The following MAGI2 variants were observed in gnomAD, a reference collection of about 807,000 sequenced individuals.
The protein encoded by MAGI2 is membrane associated guanylate kinase, WW and PDZ domain containing 2.
A neutral mutation model predicts 133.3 loss-of-function variants in MAGI2; 35 were observed. The observed-to-expected ratio is 0.26, with a 90% CI of 0.20 to 0.35. The LOEUF is 0.35. MAGI2 is among the 10% of genes least tolerant of loss of function. The pLI, the probability that MAGI2 is intolerant of heterozygous loss-of-function variation, is 1.00. For synonymous variants in MAGI2, 729 were observed against 710.6 expected (o/e 1.03, Z -0.41); for missense variants, 1,636 against 1,863.4 (o/e 0.88, Z 2.25).
At chr7:78,226,351 A>G (rs1789387830) in intron 10 of MAGI2, among the ~76,000 whole-genome samples, 1 of 151,792 alleles carries the variant, frequency 6.6e-6, no homozygotes, top group African/African-American at 2.4e-5. Flanking sequence ...GGCCAGCAGG[A>G]ACTTCTCTCA....
At chr7:78,942,258 A>T (rs1801046550) in intron 2 of MAGI2, among the ~76,000 whole-genome samples, 1 of 151,532 alleles carries the variant, frequency 6.6e-6, no homozygotes, top group African/African-American at 2.4e-5. Flanking sequence ...ATGAAGTTTG[A>T]CTCTCCCTAC....
chr7:79,309,449 TAG>T (rs1205202053), intron 1 of MAGI2, among the ~76,000 whole-genome samples: 1 of 151,080 alleles, frequency 6.6e-6, no homozygotes, highest in African/African-American at 2.4e-5. Flanking sequence ...TTAAAATATG[TAG>T]AGTTATTCCA....
chr7:79,229,293 C>T (rs1831147423), intron 1 of MAGI2, among the ~76,000 whole-genome samples: 1 of 152,012 alleles, frequency 6.6e-6, no homozygotes, highest in Admixed American at 6.6e-5. Flanking sequence ...TTTCTACCTC[C>T]CCTGGGCCAT....
At chr7:79,293,311 C>T (rs565076908) in intron 1 of MAGI2, among the ~76,000 whole-genome samples, 12 of 152,204 alleles carry the variant, frequency 7.9e-5, no homozygotes, top group African/African-American at 2.9e-4. Context: ...CCTAGCTGCT[C>T]TCTTTCATAT....
chr7:78,434,078 C>CT (rs1302019995), intron 6 of MAGI2, among the ~76,000 whole-genome samples: 1 of 152,122 alleles, frequency 6.6e-6, no homozygotes, highest in African/African-American at 2.4e-5. Flanking sequence ...CACATGCTCT[C>CT]TTTTTTTCAG....
At position 78,256,268 on chromosome 7, in the gene MAGI2, A is replaced by G; in HGVS notation, c.1722T>C (p.Thr574=). ...RPPHSLHSMP[T]DGQLDGTYPP... ...GATACGTGCCGTCTAGCTGACCATC[A>G]GTTGGCATGGAGTGCAGAGAATGAG... Residue 574 remains threonine (T), a synonymous_variant, in exon 10 of 22, where the codon ACT becomes ACC. Coordinates refer to ENST00000354212, the MANE Select transcript of MAGI2 (RefSeq NM_012301.4). 2 of 1,614,078 alleles carry G rather than the reference A, an allele frequency of 1.2e-6. No homozygotes were observed. Among genetic ancestry groups the G allele is most frequent in the South Asian group, 1.1e-5 (1 of 91,076 alleles).
rs1229252524 is a variant in MAGI2, at chr7:78,019,445, C to A, written c.4238G>T (p.Arg1413Leu). ...EGRAGARAGP[R>L]PGPRPPGGAP... ...GCCCCCCGGGGGTCGCGGGCCCGGC[C>A]GGGGACCCGCGCGCGCACCCGCCCT... Residue 1413 changes from arginine to leucine, a missense_variant, in exon 22 of 22, where the codon CGG (arginine) becomes CTG (leucine). Coordinates refer to ENST00000354212, the MANE Select transcript of MAGI2 (RefSeq NM_012301.4). 1.0e-4 allele frequency: 99 copies of A among 985,584 alleles called. No individual in the cohort carries two copies. Among genetic ancestry groups the A allele is most frequent in the Non-Finnish European group, 1.2e-4 (96 of 831,954 alleles). 61.1% of individuals were successfully genotyped at this position (985,584 alleles called of 1,614,324 possible).
intron 17 of MAGI2, 130 bp downstream of exon 17, chr7:78,134,890 AC>A: frequency 1.4e-6 from 1 of 727,730 alleles, no homozygotes; most frequent in Non-Finnish European, 2.3e-6. Flanking sequence ...ATAATAATCA[AC>A]CTCTGACACT....
In MAGI2 at chr7:78,529,668, GTT is replaced by G. The variant is rs554010061; in HGVS notation, c.539-8025_539-8024del. ...TTTCTTTTCCTTGCTAAAGGAGATG[GTT>G]TTTTTTTTTTTTTTTTTTTTTTTTT... On this transcript the variant is annotated intron_variant, in intron 3 of 21. Transcript: ENST00000354212. Among the ~76,000 whole-genome samples the G allele has an allele frequency of 4.3e-3, 245 of 57,284 alleles. 5 individuals are homozygous for G. Among genetic ancestry groups the G allele is most frequent in the East Asian group, 0.017 (32 of 1,864 alleles). The allele number at this position is 57,284 out of a possible 152,430, so 37.6% of individuals were successfully genotyped here. A position where few individuals can be genotyped will look rare whatever the true frequency, so the allele number is the denominator to read the frequency against.
At chr7:78,658,166 T>C (rs896188710) in intron 2 of MAGI2, among the ~76,000 whole-genome samples, 5 of 152,106 alleles carry the variant, frequency 3.3e-5, no homozygotes, top group Admixed American at 6.6e-5. Context: ...TTACACAGAA[T>C]AGAGAACAAA....
chr7:78,484,638 C>T (rs917656970), intron 6 of MAGI2: 1 of 151,716 alleles, frequency 6.6e-6, no homozygotes, highest in Non-Finnish European at 1.5e-5. Context: ...TTTGCAAGGA[C>T]ATTCTATAGT....
chr7:79,190,372 A>G (rs1562977721), intron 1 of MAGI2, among the ~76,000 whole-genome samples: 2 of 151,888 alleles, frequency 1.3e-5, no homozygotes, highest in Admixed American at 1.3e-4. Flanking sequence ...TCCTAATGAC[A>G]TATGATGTTG....
intron 2 of MAGI2, among the ~76,000 whole-genome samples, chr7:78,796,919 C>T (rs955666011): frequency 2.6e-5 from 4 of 152,106 alleles, no homozygotes; most frequent in South Asian, 4.2e-4. Context: ...TATGTGGGAG[C>T]TACAAAAGTG....
At chr7:78,766,523 T>C (rs894741940) in intron 2 of MAGI2, among the ~76,000 whole-genome samples, 1 of 152,152 alleles carries the variant, frequency 6.6e-6, no homozygotes, top group East Asian at 1.9e-4. Flanking sequence ...GCTTGTGTCT[T>C]CTCCTCCATT....
chr7:79,292,929 C>T, intron 1 of MAGI2, among the ~76,000 whole-genome samples: 1 of 152,060 alleles, frequency 6.6e-6, no homozygotes, highest in Non-Finnish European at 1.5e-5. Flanking sequence ...TGTTGCTTGC[C>T]ATTACCTCCA....
chr7:78,704,237 C>A (rs1391935730), intron 2 of MAGI2, among the ~76,000 whole-genome samples: 5 of 151,918 alleles, frequency 3.3e-5, no homozygotes, highest in African/African-American at 1.2e-4. Flanking sequence ...ACCAAGCAAC[C>A]CCATTAAAAA....
At chr7:78,920,285 G>A (rs1799128277) in intron 2 of MAGI2, among the ~76,000 whole-genome samples, 2 of 152,084 alleles carry the variant, frequency 1.3e-5, no homozygotes, top group African/African-American at 4.8e-5. Flanking sequence ...GCTGTAAAAT[G>A]AGAAAAATAA....
chr7:78,621,412 C>T (rs1448166773), intron 3 of MAGI2: 2 of 151,790 alleles, frequency 1.3e-5, no homozygotes, highest in Admixed American at 6.6e-5. Context: ...CAATAAAATT[C>T]GTCAACTAAA....
chr7:78,511,508 G>C lies in MAGI2; in HGVS notation c.755-9721C>G, dbSNP rs549570025. Among the ~76,000 whole-genome samples, 132 of 145,300 alleles carry C rather than the reference G, an allele frequency of 9.1e-4. 2 individuals carry two copies. The highest frequency in any genetic ancestry group is 2.8e-3 in the African/African-American group (108 of 38,774). On this transcript the variant is annotated intron_variant, in intron 4 of 21. Transcript: ENST00000354212. ...TACTAAAATATTTGCACATTGTATA[G>C]TGACTTTTTTTTGCTCACCATCTTT...
Sources: gnomAD v4.1 joint callset for allele counts (sites outside exome capture counted in the v4.1 genomes callset) on GRCh38, gnomAD v4.1.1 for gene constraint, MANE v1.5 for transcripts, NCBI Gene and HGNC (gene_info 2026-07-23, HGNC 2026-07-21) for gene names.